Variants in PDK1 observed in about 807,000 individuals in gnomAD.
PDK1 encodes [Pyruvate dehydrogenase (acetyl-transferring)] kinase isozyme 1, mitochondrial.
Under a neutral mutation model 54.2 loss-of-function variants are expected in PDK1, and 39 were observed. The observed-to-expected ratio is 0.72, with a 90% CI of 0.56 to 0.94. The LOEUF is 0.94. Ranked by LOEUF, PDK1 falls within the 40% of genes least tolerant of loss-of-function variation. The pLI is 0.00. For missense variants in PDK1, 552 were observed against 566.0 expected (o/e 0.98, Z 0.25); for synonymous variants, 221 against 207.1 (o/e 1.07, Z -0.58).
intron 8 of PDK1, among the ~76,000 whole-genome samples, chr2:172,581,619 A>C (rs953226192): frequency 2.6e-5 from 4 of 151,278 alleles, no homozygotes; most frequent in African/African-American, 9.7e-5. Flanking sequence ...AGGTCACATG[A>C]AGGCATCTCC....
At chr2:172,573,638 GTA>G (rs201481863) in intron 8 of PDK1, among the ~76,000 whole-genome samples, 2 of 147,120 alleles carry the variant, frequency 1.4e-5, no homozygotes, top group Non-Finnish European at 3.0e-5. Flanking sequence ...CTATGTGTGT[GTA>G]TATATATATA....
At chr2:172,556,963 C>G (rs1261077115) in intron 1 of PDK1, among the ~76,000 whole-genome samples, 2 of 152,176 alleles carry the variant, frequency 1.3e-5, no homozygotes, top group South Asian at 2.1e-4. Context: ...AGAAGCTGTT[C>G]AACAAATTGC....
Position 172,600,354 on chromosome 2 carries a change from T to C in PDK1, c.*4385T>C, listed in dbSNP as rs1691070695. 6.6e-6 allele frequency: 1 copy of C among 152,218 alleles called. No individual in the cohort carries two copies. Among genetic ancestry groups the C allele is most frequent in the African/African-American group, 2.4e-5 (1 of 41,454 alleles). The allele number at this position is 152,218 out of a possible 1,614,324, so 9.4% of individuals were successfully genotyped here. A position where few individuals can be genotyped will look rare whatever the true frequency, so the allele number is the denominator to read the frequency against. On this transcript the variant is annotated 3_prime_UTR_variant, in exon 11 of 11. Coordinates refer to ENST00000282077, the MANE Select transcript of PDK1 (RefSeq NM_002610.5). Reference sequence around the variant, plus strand: ...CAGAAATGGAGCCCATATGATTATATAACTATAAAATAGGATGGGACAGAG... The same window carrying C: ...CAGAAATGGAGCCCATATGATTATACAACTATAAAATAGGATGGGACAGAG...
At chr2:172,666,642 G>A in the PDK1 span, among the ~76,000 whole-genome samples, 10 of 152,300 alleles carry the variant, frequency 6.6e-5, no homozygotes, top group African/African-American at 2.4e-4. Flanking sequence ...GATGGTTACA[G>A]AACAGGTGAC....
chr2:172,592,958 C>T lies in PDK1; in HGVS notation c.1080C>T (p.Pro360=). ...AGGCTGGTTTTGGTTATGGATTGCCCATATCACGTCTTTACGCACAATACT... is the reference window on the plus strand; with the variant it reads ...AGGCTGGTTTTGGTTATGGATTGCCTATATCACGTCTTTACGCACAATACT... ...VPLAGFGYGL[P]ISRLYAQYFQ... The change falls in exon 10 of 11, where the codon CCC becomes CCT. Residue 360 remains proline, a synonymous_variant. Coordinates refer to ENST00000282077, the MANE Select transcript of PDK1 (RefSeq NM_002610.5). 1 of 1,611,066 alleles carries T rather than the reference C, an allele frequency of 6.2e-7. No homozygotes were observed. The highest frequency in any genetic ancestry group is 1.1e-5 in the South Asian group (1 of 90,964).
At chr2:172,708,811 A>G in the PDK1 span, among the ~76,000 whole-genome samples, 1 of 152,228 alleles carries the variant, frequency 6.6e-6, no homozygotes, top group African/African-American at 2.4e-5. Flanking sequence ...TCCCTTGGGA[A>G]TGCTGAATAA....
At chr2:172,641,441 A>ATT in the PDK1 span, among the ~76,000 whole-genome samples, 7 of 119,582 alleles carry the variant, frequency 5.9e-5, no homozygotes, top group Middle Eastern at 3.8e-3. Context: ...TAACTTGTCC[A>ATT]TTTTTTTTTT....
the PDK1 span, among the ~76,000 whole-genome samples, chr2:172,633,381 C>CTTTTTTTT: frequency 1.9e-5 from 2 of 103,996 alleles, no homozygotes; most frequent in African/African-American, 3.7e-5. Flanking sequence ...GATTTTCTTT[C>CTTTTTTTT]TTTTTTTTTT....
At chr2:172,719,390 A>C in the PDK1 span, among the ~76,000 whole-genome samples, 3 of 152,304 alleles carry the variant, frequency 2.0e-5, no homozygotes, top group Admixed American at 6.5e-5. Flanking sequence ...CTTACCAACT[A>C]TATTCTGAAG....
rs1233219096 is a variant in PDK1, at chr2:172,606,996, G to A, written c.*11027G>A. Reference sequence around the variant, plus strand: ...CTCTACAGTGGTATGATTATATAAGGGTGGAAATATAAAAGAGTAAGCCTT... The same window carrying A: ...CTCTACAGTGGTATGATTATATAAGAGTGGAAATATAAAAGAGTAAGCCTT... On this transcript the variant is annotated 3_prime_UTR_variant, in exon 11 of 11. Transcript: ENST00000282077. 6.6e-6 allele frequency: 1 copy of A among 152,070 alleles called. No homozygotes were observed. The highest frequency in any genetic ancestry group is 1.5e-5 in the Non-Finnish European group (1 of 68,028). 9.4% of individuals were successfully genotyped at this position (152,070 alleles called of 1,614,324 possible).
At chr2:172,620,960 G>A in the PDK1 span, among the ~76,000 whole-genome samples, 7 of 152,014 alleles carry the variant, frequency 4.6e-5, no homozygotes, top group South Asian at 1.5e-3. Flanking sequence ...AGGCTCAAAG[G>A]AGAAAAAAGA....
At chr2:172,652,834 T>C in the PDK1 span, among the ~76,000 whole-genome samples, 1 of 152,096 alleles carries the variant, frequency 6.6e-6, no homozygotes, top group Non-Finnish European at 1.5e-5. Flanking sequence ...CACAAACAAA[T>C]GGAAGGACAT....
the PDK1 span, among the ~76,000 whole-genome samples, chr2:172,690,266 A>T: frequency 6.6e-6 from 1 of 150,604 alleles, no homozygotes; most frequent in South Asian, 2.1e-4. Flanking sequence ...ATCGTCACTG[A>T]TCACCAGAGA....
chr2:172,719,943 A>G, the PDK1 span, among the ~76,000 whole-genome samples: 1 of 152,206 alleles, frequency 6.6e-6, no homozygotes, highest in Admixed American at 6.5e-5. Flanking sequence ...TGAATACCAG[A>G]CATTGTTTGC....
chr2:172,654,027 C>T, the PDK1 span, among the ~76,000 whole-genome samples: 1 of 152,214 alleles, frequency 6.6e-6, no homozygotes, highest in East Asian at 1.9e-4. Context: ...AAAAAATGCT[C>T]ATTGCTGGCC....
At chr2:172,678,206 A>G in the PDK1 span, among the ~76,000 whole-genome samples, 1 of 152,132 alleles carries the variant, frequency 6.6e-6, no homozygotes, top group Non-Finnish European at 1.5e-5. Context: ...GGGCTCAACC[A>G]CAAAGGGAAG....
chr2:172,667,208 G>C, the PDK1 span, among the ~76,000 whole-genome samples: 1 of 152,150 alleles, frequency 6.6e-6, no homozygotes, highest in African/African-American at 2.4e-5. Context: ...AGGACCTCTA[G>C]GGAAGTAGGA....
intron 2 of PDK1, among the ~76,000 whole-genome samples, chr2:172,560,278 G>A (rs998489212): frequency 6.6e-6 from 1 of 152,088 alleles, no homozygotes; most frequent in African/African-American, 2.4e-5. Flanking sequence ...TCCTGCTAAG[G>A]CAGCTGCCTC....
the PDK1 span, among the ~76,000 whole-genome samples, chr2:172,642,853 C>G: frequency 6.6e-6 from 1 of 151,336 alleles, no homozygotes; most frequent in Non-Finnish European, 1.5e-5. Flanking sequence ...TTCTCCTTCT[C>G]CTCCTTCTCC....
Sources: gnomAD v4.1 joint callset for allele counts (sites outside exome capture counted in the v4.1 genomes callset) on GRCh38, gnomAD v4.1.1 for gene constraint, MANE v1.5 for transcripts, NCBI Gene and HGNC (gene_info 2026-07-23, HGNC 2026-07-21) for gene names.